Variants in DNAH9 observed in about 807,000 individuals in gnomAD.
The protein encoded by DNAH9 is DNAH9 variant protein.
Under a neutral mutation model 471.6 loss-of-function variants are expected in DNAH9, and 345 were observed. The observed-to-expected ratio is 0.73, with a 90% CI of 0.67 to 0.80. DNAH9 has a LOEUF of 0.80. Among genes scored for constraint, DNAH9 ranks in the 30% least tolerant of loss-of-function variants. The pLI is 0.00. For missense variants in DNAH9, 5,407 were observed against 5,609.2 expected (o/e 0.96, Z 1.15); for synonymous variants, 2,093 against 2,123.6 (o/e 0.99, Z 0.40).
At chr17:11,787,347 C>A (rs1486504246) in intron 41 of DNAH9, among the ~76,000 whole-genome samples, 3 of 152,220 alleles carry the variant, frequency 2.0e-5, no homozygotes, top group African/African-American at 7.2e-5. Context: ...TAGTTACAGT[C>A]AATTTACACC....
Position 11,636,634 on chromosome 17 carries a change from C to A in DNAH9, c.1636C>A (p.Leu546Met), listed in dbSNP as rs1424032343. ...DAPGLEHAFK[L>M]LDIAGNLLER... Reference sequence around the variant, plus strand: ...TCTTTTTCCTCCACCTTCCCTACAGCTGCTAGACATAGCAGGAAACCTCCT... The same window carrying A: ...TCTTTTTCCTCCACCTTCCCTACAGATGCTAGACATAGCAGGAAACCTCCT... The change falls in exon 9 of 69, where the codon CTG becomes ATG. Residue 546 changes from leucine (L) to methionine (M), a missense_variant and splice_region_variant. By Grantham distance (15) the Leu-to-Met change is conservative. This residue lies in a region of DNAH9 where 4 missense variants were observed against 16.5 expected (regional missense o/e 0.24). Coordinates refer to ENST00000262442, the MANE Select transcript of DNAH9 (RefSeq NM_001372.4). The A allele has an allele frequency of 1.2e-6, 2 of 1,613,100 alleles. No homozygotes were observed. The highest frequency in any genetic ancestry group is 2.2e-5 in the South Asian group (2 of 91,014).
chr17:11,901,233 G>A lies in DNAH9; in HGVS notation c.11407-1486G>A, dbSNP rs1184270544. ...AGTGCCCAGGGCAGAAGGGGAAGAGGAAAGGATGAGGTTTAAAAGCTATCA... is the reference window on the plus strand; with the variant it reads ...AGTGCCCAGGGCAGAAGGGGAAGAGAAAAGGATGAGGTTTAAAAGCTATCA... On this transcript the variant is annotated intron_variant, in intron 59 of 68. Transcript: ENST00000262442. Among the ~76,000 whole-genome samples, 5 of 152,182 alleles carry A rather than the reference G, an allele frequency of 3.3e-5. No homozygotes were observed. In the East Asian group the frequency reaches 9.6e-4, roughly 29 times the overall value.
rs375567783 is a variant in DNAH9, at chr17:11,610,412, A to G, written c.631A>G (p.Lys211Glu). ...KSETVLDSID[K>E]SVIYAIESAV... ...CTTTCACAGCTTGGATTCTATAGAT[A>G]AGTCAGTCATCTATGCCATTGAGTC... Residue 211 changes from lysine (K) to glutamate (E), a missense_variant, in exon 3 of 69, where the codon AAG becomes GAG. This residue lies in a region of DNAH9 where 767 missense variants were observed against 692.5 expected (regional missense o/e 1.11). Transcript: ENST00000262442. The G allele has an allele frequency of 1.3e-5, 21 of 1,612,898 alleles. No individual in the cohort carries two copies. Among genetic ancestry groups the G allele is most frequent in the Admixed American group, 3.3e-5 (2 of 59,904 alleles).
chr17:11,708,523 G>T (rs186949914), intron 26 of DNAH9, among the ~76,000 whole-genome samples: 19 of 152,220 alleles, frequency 1.2e-4, no homozygotes, highest in African/African-American at 4.6e-4. Context: ...AACTGGAGTT[G>T]GGGGTGGGGG....
chr17:11,680,036 A>C (rs950630695), intron 18 of DNAH9, 57 bp downstream of exon 18: 2 of 1,416,942 alleles, frequency 1.4e-6, no homozygotes, highest in African/African-American at 2.8e-5. Flanking sequence ...TTAGGATTTC[A>C]GAATGGGGTA....
chr17:11,679,439 G>A (rs954680305), intron 17 of DNAH9, among the ~76,000 whole-genome samples: 1 of 152,192 alleles, frequency 6.6e-6, no homozygotes, highest in Non-Finnish European at 1.5e-5. Context: ...CAGATTTTGA[G>A]TGCGCTCAGA....
chr17:11,837,301 A>G (rs912930128), intron 49 of DNAH9, among the ~76,000 whole-genome samples: 1 of 152,222 alleles, frequency 6.6e-6, no homozygotes, highest in Non-Finnish European at 1.5e-5. Context: ...ATGAGTACCT[A>G]CTATGTGCCA....
At chr17:11,902,586 C>T (rs1973448564) in intron 59 of DNAH9, 133 bp from the exon 60 acceptor site, 4 of 888,826 alleles carry the variant, frequency 4.5e-6, no homozygotes, top group Non-Finnish European at 6.8e-6. Context: ...GGGGGATGAT[C>T]CAAAGCTCTA....
chr17:11,610,290 A>C (rs543735654), intron 2 of DNAH9, 106 bp from the exon 3 acceptor site: 1 of 884,418 alleles, frequency 1.1e-6, no homozygotes, highest in African/African-American at 1.7e-5. Context: ...TTTCTCACCT[A>C]TTTTTTTAAA....
At chr17:11,656,111 G>C (rs182732179) in intron 14 of DNAH9, among the ~76,000 whole-genome samples, 89 of 152,166 alleles carry the variant, frequency 5.8e-4, no homozygotes, top group Middle Eastern at 6.8e-3. Context: ...AATGGTAGTT[G>C]TACTTTTAGT....
chr17:11,629,692 C>G, intron 7 of DNAH9, 108 bp downstream of exon 7: 2 of 997,524 alleles, frequency 2.0e-6, no homozygotes, highest in Non-Finnish European at 2.9e-6. Context: ...TCCTTTGGCT[C>G]TGTGGTCCCA....
chr17:11,835,517 C>T (rs1011118016), intron 49 of DNAH9, among the ~76,000 whole-genome samples: 1 of 152,210 alleles, frequency 6.6e-6, no homozygotes, highest in East Asian at 1.9e-4. Flanking sequence ...CGAGGCTTAG[C>T]CACTCTTTTC....
intron 41 of DNAH9, among the ~76,000 whole-genome samples, chr17:11,788,352 A>G (rs1315449583): frequency 6.6e-6 from 1 of 152,236 alleles, no homozygotes; most frequent in African/African-American, 2.4e-5. Flanking sequence ...AACTTTTATC[A>G]AAGTGTAACA....
intron 4 of DNAH9, among the ~76,000 whole-genome samples, chr17:11,616,443 G>A (rs559295389): frequency 3.3e-5 from 5 of 152,060 alleles, no homozygotes; most frequent in Non-Finnish European, 2.9e-5. Context: ...TTGTAAACTC[G>A]CCCTTCCAAT....
At chr17:11,781,298 T>A in intron 39 of DNAH9, 124 bp downstream of exon 39, 1 of 1,045,850 alleles carries the variant, frequency 9.6e-7, no homozygotes, top group Non-Finnish European at 1.3e-6. Context: ...TGGGAATCTT[T>A]GTGGTAAACC....
At chr17:11,736,211 T>C (rs12941286) in intron 28 of DNAH9, among the ~76,000 whole-genome samples, 31,340 of 152,076 alleles carry the variant, frequency 0.21, 3,388 homozygotes, top group East Asian at 0.35. Flanking sequence ...TGTTAAAAGC[T>C]TGGGATGGAA....
intron 68 of DNAH9, among the ~76,000 whole-genome samples, chr17:11,968,180 T>C (rs1036240896): frequency 2.6e-5 from 4 of 152,206 alleles, no homozygotes; most frequent in African/African-American, 7.2e-5. Flanking sequence ...TTTAAAAGGA[T>C]TGGTTTTACA....
In DNAH9 at chr17:11,797,759, G is replaced by A. The variant is rs1969297350; in HGVS notation, c.8386G>A (p.Asp2796Asn). ...CCACAATGAAGTCAACACAGTGATG[G>A]ACCTAGTTCTCTTTGAGGATGCCAT... ...ENHNEVNTVM[D>N]LVLFEDAMRH... The change falls in exon 43 of 69, where the codon GAC becomes AAC. Residue 2796 changes from aspartate to asparagine, a missense_variant. Physicochemically the swap from Asp to Asn is conservative, Grantham distance 23. Transcript: ENST00000262442. 6.2e-7 allele frequency: 1 copy of A among 1,614,108 alleles called. No individual in the cohort carries two copies.
At chr17:11,729,505 A>G (rs966545739) in intron 28 of DNAH9, among the ~76,000 whole-genome samples, 1 of 152,210 alleles carries the variant, frequency 6.6e-6, no homozygotes, top group Admixed American at 6.5e-5. Flanking sequence ...CCAAAGCAGT[A>G]TGCGCACAGT....
Sources: gnomAD v4.1 joint callset for allele counts (sites outside exome capture counted in the v4.1 genomes callset) on GRCh38, gnomAD v4.1.1 for gene constraint, gnomAD v4.1.1 regional missense constraint, MANE v1.5 for transcripts, NCBI Gene and HGNC (gene_info 2026-07-23, HGNC 2026-07-21) for gene names.